The following CBX7 variants were observed in gnomAD, a reference collection of about 807,000 sequenced individuals.
The protein encoded by CBX7 is chromobox 7, also known as chromobox protein homolog 7.
A neutral mutation model predicts 31.4 loss-of-function variants in CBX7; 14 were observed. That is an observed-to-expected ratio of 0.45 (90% CI 0.29 to 0.70). The LOEUF (loss-of-function observed/expected upper bound fraction) is 0.70, where lower values mean the gene tolerates loss of function less well. CBX7 is among the 30% of genes least tolerant of loss of function. The pLI is 0.11. For missense variants in CBX7, 269 were observed against 351.9 expected (o/e 0.76, Z 1.89); for synonymous variants, 159 against 152.6 (o/e 1.04, Z -0.31).
chr22:39,135,585 C>G (rs562982122), intron 4 of CBX7: 1 of 152,260 alleles, frequency 6.6e-6, no homozygotes, highest in Non-Finnish European at 1.5e-5. Context: ...GGTCAAACAC[C>G]TCCAAGCTGA....
chr22:39,141,757 A>AG (rs954105803), intron 2 of CBX7, among the ~76,000 whole-genome samples: 16 of 151,916 alleles, frequency 1.1e-4, no homozygotes, highest in African/African-American at 3.9e-4. Flanking sequence ...AAAAAAAAAA[A>AG]AAGGTCAGAG....
intron 2 of CBX7, among the ~76,000 whole-genome samples, chr22:39,144,345 G>C (rs960743875): frequency 1.3e-5 from 2 of 152,178 alleles, no homozygotes; most frequent in African/African-American, 2.4e-5. Context: ...ACCCTTAAGA[G>C]TCAGGTATTT....
chr22:39,137,952 C>G (rs976773636), intron 4 of CBX7, among the ~76,000 whole-genome samples: 1 of 152,040 alleles, frequency 6.6e-6, no homozygotes, highest in South Asian at 2.1e-4. Context: ...GAGGCCAAGC[C>G]GGGCGGATCA....
chr22:39,149,671 G>C, intron 2 of CBX7, 118 bp downstream of exon 2: 1 of 828,280 alleles, frequency 1.2e-6, no homozygotes, highest in Admixed American at 1.8e-5. Context: ...AAGGTCAGCT[G>C]TCCAGTTACA....
chr22:39,131,803 G>T lies in CBX7; in HGVS notation c.*2088C>A, dbSNP rs1930052167. The T allele has an allele frequency of 6.6e-6, 1 of 152,270 alleles. No homozygotes were observed. Among genetic ancestry groups the T allele is most frequent in the African/African-American group, 2.4e-5 (1 of 41,424 alleles). 9.4% of individuals were successfully genotyped at this position (152,270 alleles called of 1,614,324 possible). On this transcript the variant is annotated 3_prime_UTR_variant, in exon 6 of 6. Coordinates refer to ENST00000216133, the MANE Select transcript of CBX7 (RefSeq NM_175709.5). The stretch of plus-strand genomic sequence containing the variant: ...AAGGTCCTATGTCCCCTGGGGGATG[G>T]GGAGCGTGACTTCTGCTGGAAGCTG...
chr22:39,149,834 TGAGAA>T lies in CBX7; in HGVS notation c.70-7_70-3del. On this transcript the variant is annotated splice_region_variant and splice_polypyrimidine_tract_variant and intron_variant, in intron 1 of 5. Transcript: ENST00000216133. ...CTTCACCAGATACTCGACTTTACCC[TGAGAA>T]GAGAGAGAAGCAGACACAGTGAGTC... 1 of 1,613,450 alleles carries T rather than the reference TGAGAA, an allele frequency of 6.2e-7. No individual in the cohort carries two copies. Among genetic ancestry groups the T allele is most frequent in the Non-Finnish European group, 8.5e-7 (1 of 1,179,662 alleles).
At chr22:39,146,601 C>T (rs943750148) in intron 2 of CBX7, among the ~76,000 whole-genome samples, 6 of 152,232 alleles carry the variant, frequency 3.9e-5, no homozygotes, top group African/African-American at 9.6e-5. Flanking sequence ...TCAGGCAGCC[C>T]GTAGTTCACA....
At chr22:39,145,141 AG>A (rs1930598720) in intron 2 of CBX7, among the ~76,000 whole-genome samples, 1 of 152,210 alleles carries the variant, frequency 6.6e-6, no homozygotes, top group Non-Finnish European at 1.5e-5. Flanking sequence ...TGGATGCAGA[AG>A]GGGTGGTTGC....
intron 3 of CBX7, 23 bp downstream of exon 3, chr22:39,141,348 C>T (rs1218771098): frequency 3.1e-6 from 5 of 1,602,418 alleles, no homozygotes; most frequent in South Asian, 1.1e-5. Context: ...AAGCCCCACC[C>T]GGCGGTGCCG....
chr22:39,141,462 G>C, intron 2 of CBX7, 26 bp from the exon 3 acceptor site: 5 of 1,604,166 alleles, frequency 3.1e-6, no homozygotes, highest in Non-Finnish European at 4.3e-6. Flanking sequence ...AAAGGTCAGA[G>C]TTGGGGCTGG....
At chr22:39,139,645 G>GT (rs1161759654) in intron 3 of CBX7, among the ~76,000 whole-genome samples, 1 of 146,518 alleles carries the variant, frequency 6.8e-6, no homozygotes, top group Non-Finnish European at 1.5e-5. Flanking sequence ...GGAGCTTGCA[G>GT]TGAGCCGAGA....
chr22:39,141,365 C>G lies in CBX7; in HGVS notation c.179+6G>C, dbSNP rs568850662. 2.5e-6 allele frequency: 4 copies of G among 1,610,590 alleles called. No homozygotes were observed. In the East Asian group the frequency reaches 6.7e-5, roughly 27 times the overall value. ...GCCCCACCCGGCGGTGCCGAGGACA[C>G]CGTACTTCTCCTCGTAGGCCATGAC... On this transcript the variant is annotated splice_donor_region_variant and intron_variant, in intron 3 of 5. Coordinates refer to ENST00000216133, the MANE Select transcript of CBX7 (RefSeq NM_175709.5).
intron 5 of CBX7, 60 bp from the exon 6 acceptor site, chr22:39,134,108 A>T: frequency 6.7e-7 from 1 of 1,486,886 alleles, no homozygotes; most frequent in East Asian, 2.3e-5. Flanking sequence ...CATGCAGACC[A>T]CCCAACCCGA....
chr22:39,151,406 G>GTCTCA, intron 1 of CBX7, among the ~76,000 whole-genome samples: 1 of 152,276 alleles, frequency 6.6e-6, no homozygotes, highest in South Asian at 2.1e-4. Flanking sequence ...CAGCCCAGTT[G>GTCTCA]AGCTCCTGCT....
chr22:39,145,841 C>G (rs1397913688), intron 2 of CBX7, among the ~76,000 whole-genome samples: 1 of 151,888 alleles, frequency 6.6e-6, no homozygotes, highest in Non-Finnish European at 1.5e-5. Context: ...CAGCCAAAGC[C>G]CCGCCGCGCA....
At position 39,131,593 on chromosome 22, in the gene CBX7, C is replaced by T. The variant is rs1338320034; in HGVS notation, c.*2298G>A. 6.6e-6 allele frequency: 1 copy of T among 152,332 alleles called. No individual in the cohort carries two copies. The highest frequency in any genetic ancestry group is 1.5e-5 in the Non-Finnish European group (1 of 68,128). 9.4% of individuals were successfully genotyped at this position (152,332 alleles called of 1,614,324 possible). On this transcript the variant is annotated 3_prime_UTR_variant, in exon 6 of 6. Coordinates refer to ENST00000216133, the MANE Select transcript of CBX7 (RefSeq NM_175709.5). The stretch of plus-strand genomic sequence containing the variant: ...CAGGCCCACCCGTCCCAGGTCACAC[C>T]CCTGGAGTTCAGCTCTCCCTGAGCC...
Position 39,152,291 on chromosome 22 carries a change from C to A in CBX7, c.69+85G>T. The A allele has an allele frequency of 1.1e-6, 1 of 912,192 alleles. No individual in the cohort carries two copies. Among genetic ancestry groups the A allele is most frequent in the Non-Finnish European group, 1.4e-6 (1 of 697,980 alleles). 56.5% of individuals were successfully genotyped at this position (912,192 alleles called of 1,614,324 possible). On this transcript the variant is annotated intron_variant, in intron 1 of 5. Coordinates refer to ENST00000216133, the MANE Select transcript of CBX7 (RefSeq NM_175709.5). This position sits in a 1 kb window ranked among gnomAD's most constrained non-coding sequence, Gnocchi z 4.9. ...CCGGGGCCCCCGCGCCCCGCTTTCC[C>A]CTTCAGCCCCAGCGTGGAGGGAGCG...
chr22:39,152,472 G>T lies in CBX7; in HGVS notation c.-28C>A. 1 of 992,946 alleles carries T rather than the reference G, an allele frequency of 1.0e-6. No homozygotes were observed. The highest frequency in any genetic ancestry group is 1.2e-6 in the Non-Finnish European group (1 of 820,120). 61.5% of individuals were successfully genotyped at this position (992,946 alleles called of 1,614,324 possible). A position where few individuals can be genotyped will look rare whatever the true frequency, so the allele number is the denominator to read the frequency against. On this transcript the variant is annotated 5_prime_UTR_variant, in exon 1 of 6. Transcript: ENST00000216133. This position sits in a 1 kb window ranked among gnomAD's most constrained non-coding sequence, Gnocchi z 4.9. ...GGGGCGGCGGGCGAGCGGGCCCGGG[G>T]CCGGGCCGGGCCGGGGGCGGAGCTG...
intron 2 of CBX7, among the ~76,000 whole-genome samples, chr22:39,142,533 C>CT (rs1930497535): frequency 6.6e-6 from 1 of 152,264 alleles, no homozygotes; most frequent in Admixed American, 6.5e-5. Context: ...GGGGCAGACC[C>CT]TGTGATGTCA....
Sources: gnomAD v4.1 joint callset for allele counts (sites outside exome capture counted in the v4.1 genomes callset) on GRCh38, gnomAD v4.1.1 for gene constraint, Gnocchi (gnomAD v3.1) non-coding constraint, MANE v1.5 for transcripts, NCBI Gene and HGNC (gene_info 2026-07-23, HGNC 2026-07-21) for gene names.